The following PLPPR1 variants were observed in gnomAD, a reference collection of about 807,000 sequenced individuals.
The protein encoded by PLPPR1 is phospholipid phosphatase related 1.
PLPPR1 carries 10 observed loss-of-function variants against 33.1 expected under a neutral mutation model. That is an observed-to-expected ratio of 0.30 (90% confidence interval 0.19 to 0.51). PLPPR1 has a LOEUF of 0.51. PLPPR1 is among the 20% of genes least tolerant of loss of function. The pLI, the probability that PLPPR1 is intolerant of heterozygous loss-of-function variation, is 0.97. For missense variants in PLPPR1, 304 were observed against 408.1 expected (o/e 0.74, Z 2.20); for synonymous variants, 151 against 151.0 (o/e 1.00, Z 0.00).
At chr9:101,323,755 C>G (rs777277338) in intron 7 of PLPPR1, among the ~76,000 whole-genome samples, 16 of 152,026 alleles carry the variant, frequency 1.1e-4, no homozygotes, top group Non-Finnish European at 1.8e-4. Flanking sequence ...AGGAGAATTG[C>G]TTGAACCCAG....
intron 2 of PLPPR1, among the ~76,000 whole-genome samples, chr9:101,226,283 C>T (rs1049212105): frequency 3.9e-5 from 6 of 152,112 alleles, no homozygotes; most frequent in African/African-American, 1.4e-4. Context: ...CCTCCTCACT[C>T]ATCCCATTCC....
chr9:101,109,225 C>G (rs79189873), intron 1 of PLPPR1, among the ~76,000 whole-genome samples: 4 of 150,222 alleles, frequency 2.7e-5, no homozygotes, highest in Admixed American at 6.7e-5. Flanking sequence ...CCGCCGGCCT[C>G]GGCCTCCCAA....
chr9:101,182,376 T>C (rs1283135075), intron 1 of PLPPR1, among the ~76,000 whole-genome samples: 1 of 151,746 alleles, frequency 6.6e-6, no homozygotes, highest in African/African-American at 2.4e-5. Context: ...CCTATAAAAT[T>C]AGATTTTAAA....
In PLPPR1 at chr9:101,199,296, C is replaced by A. The variant is rs557974491; in HGVS notation, c.63+13739C>A. ...CTCAGGAAACTTAAAAACACAATCTCAATGGTTGGCCTAACTTTGATACTT... is the reference window on the plus strand; with the variant it reads ...CTCAGGAAACTTAAAAACACAATCTAAATGGTTGGCCTAACTTTGATACTT... On this transcript the variant is annotated intron_variant, in intron 2 of 7. Coordinates refer to ENST00000374874, the MANE Select transcript of PLPPR1 (RefSeq NM_207299.2). Among the ~76,000 whole-genome samples, 26 of 152,334 alleles carry A rather than the reference C, an allele frequency of 1.7e-4. No homozygotes were observed. The East Asian group carries it at 4.2e-3, about 25-fold the overall frequency.
chr9:101,102,148 TTATTTTA>T (rs1564145155), intron 1 of PLPPR1, among the ~76,000 whole-genome samples: 1 of 76,944 alleles, frequency 1.3e-5, no homozygotes, highest in African/African-American at 7.1e-5. Flanking sequence ...CTTTTTTTTT[TTATTTTA>T]TTATTATACT....
intron 1 of PLPPR1, among the ~76,000 whole-genome samples, chr9:101,183,416 T>C (rs192579024): frequency 1.3e-5 from 2 of 151,858 alleles, no homozygotes; most frequent in Admixed American, 6.6e-5. Context: ...AGGTCGTGTA[T>C]TATATTATTC....
At chr9:101,155,471 C>G (rs1347763087) in intron 1 of PLPPR1, among the ~76,000 whole-genome samples, 1 of 152,156 alleles carries the variant, frequency 6.6e-6, no homozygotes, top group Non-Finnish European at 1.5e-5. Context: ...ATCCTTTTAC[C>G]AGGAACCCGC....
At chr9:101,099,298 G>T (rs754099174) in intron 1 of PLPPR1, among the ~76,000 whole-genome samples, 11 of 152,084 alleles carry the variant, frequency 7.2e-5, no homozygotes, top group Non-Finnish European at 1.0e-4. Flanking sequence ...GTTTGTCTGC[G>T]TCTGTTTCCC....
intron 1 of PLPPR1, among the ~76,000 whole-genome samples, chr9:101,043,392 C>T (rs1255078398): frequency 1.3e-5 from 2 of 150,030 alleles, no homozygotes; most frequent in Non-Finnish European, 3.0e-5. Context: ...TATATACATA[C>T]ACATATATAC....
intron 1 of PLPPR1, among the ~76,000 whole-genome samples, chr9:101,049,475 C>T (rs2118439750): frequency 6.6e-6 from 1 of 152,252 alleles, no homozygotes; most frequent in East Asian, 1.9e-4. Flanking sequence ...ATTATAGTGG[C>T]TTAAAAGTAC....
intron 2 of PLPPR1, among the ~76,000 whole-genome samples, chr9:101,202,778 A>AAT (rs1396483735): frequency 6.6e-6 from 1 of 152,214 alleles, no homozygotes; most frequent in East Asian, 1.9e-4. Flanking sequence ...AGAAAGCTGG[A>AAT]ATATCTGTCA....
In PLPPR1 at chr9:101,269,740, G is replaced by T. The variant is rs933055754; in HGVS notation, c.64-140G>T. ...AAGCAAGCACACACTCCCAGAGCAC[G>T]CTGCGCCTGGCACGCACACACTCGC... On this transcript the variant is annotated intron_variant, in intron 2 of 7. Transcript: ENST00000374874. The T allele has an allele frequency of 7.9e-6, 6 of 755,224 alleles. No homozygotes were observed. In the African/African-American group the frequency reaches 8.5e-5, roughly 11 times the overall value. 46.8% of individuals were successfully genotyped at this position (755,224 alleles called of 1,614,324 possible).
chr9:101,262,713 A>G (rs1827922796), intron 2 of PLPPR1, among the ~76,000 whole-genome samples: 1 of 152,244 alleles, frequency 6.6e-6, no homozygotes, highest in South Asian at 2.1e-4. Flanking sequence ...ATGTATGTTT[A>G]TTGCAGCACT....
chr9:101,112,650 G>A (rs1831070824), intron 1 of PLPPR1, among the ~76,000 whole-genome samples: 1 of 152,306 alleles, frequency 6.6e-6, no homozygotes, highest in South Asian at 2.1e-4. Flanking sequence ...GAGCTTGACA[G>A]TTTCCGTATG....
At chr9:101,207,570 A>C (rs7047561) in intron 2 of PLPPR1, among the ~76,000 whole-genome samples, 34,921 of 152,102 alleles carry the variant, frequency 0.23, 4,465 homozygotes, top group Admixed American at 0.38. Context: ...GGGCAGATAG[A>C]ACCTAAGTGT....
chr9:101,280,231 G>C (rs1310297302), intron 3 of PLPPR1, among the ~76,000 whole-genome samples: 1 of 152,064 alleles, frequency 6.6e-6, no homozygotes, highest in Non-Finnish European at 1.5e-5. Context: ...TACCAAGATT[G>C]AGCCATGAGG....
intron 1 of PLPPR1, among the ~76,000 whole-genome samples, chr9:101,172,811 T>C (rs1185543782): frequency 6.6e-6 from 1 of 152,110 alleles, no homozygotes; most frequent in Non-Finnish European, 1.5e-5. Flanking sequence ...TATCATTGCC[T>C]AGATACTCTC....
intron 1 of PLPPR1, among the ~76,000 whole-genome samples, chr9:101,122,242 G>A (rs1831187197): frequency 6.6e-6 from 1 of 152,264 alleles, no homozygotes; most frequent in East Asian, 1.9e-4. Flanking sequence ...CTCACCACAG[G>A]AACACTGTCA....
intron 1 of PLPPR1, among the ~76,000 whole-genome samples, chr9:101,114,489 A>T (rs903915934): frequency 6.6e-6 from 1 of 152,210 alleles, no homozygotes; most frequent in Non-Finnish European, 1.5e-5. Flanking sequence ...TAAGGAATGT[A>T]GCTGGCCCAA....
Sources: gnomAD v4.1 joint callset for allele counts (sites outside exome capture counted in the v4.1 genomes callset) on GRCh38, gnomAD v4.1.1 for gene constraint, MANE v1.5 for transcripts, NCBI Gene and HGNC (gene_info 2026-07-23, HGNC 2026-07-21) for gene names.